CNTNAP2: variants seen among roughly 807,000 people sequenced by gnomAD.
The protein encoded by CNTNAP2 is contactin associated protein 2.
Under a neutral mutation model 155.2 loss-of-function variants are expected in CNTNAP2, and 98 were observed. The observed-to-expected ratio is 0.63, with a 90% CI of 0.54 to 0.75. CNTNAP2 has a LOEUF of 0.75. CNTNAP2 is among the 30% of genes least tolerant of loss of function. The probability of loss-of-function intolerance (pLI) is 0.00; values close to 1 mark genes in which losing one functional copy is unlikely to be tolerated. For synonymous variants in CNTNAP2, 651 were observed against 631.2 expected (o/e 1.03, Z -0.47); for missense variants, 1,727 against 1,688.1 (o/e 1.02, Z -0.40).
chr7:147,960,619 C>T (rs1163861569), intron 14 of CNTNAP2, among the ~76,000 whole-genome samples: 2 of 152,070 alleles, frequency 1.3e-5, no homozygotes. Context: ...GCAGTGTTTT[C>T]CAGCATCAAC....
At chr7:147,864,346 T>G (rs1799189092) in intron 13 of CNTNAP2, among the ~76,000 whole-genome samples, 1 of 152,190 alleles carries the variant, frequency 6.6e-6, no homozygotes, top group South Asian at 2.1e-4. Flanking sequence ...TAGTATAGTT[T>G]GAAGTCAGGT....
At chr7:148,116,110 T>C (rs954218149) in intron 15 of CNTNAP2, among the ~76,000 whole-genome samples, 1 of 149,214 alleles carries the variant, frequency 6.7e-6, no homozygotes, top group African/African-American at 2.5e-5. Context: ...CTGCACTCCA[T>C]CCTGGGCCAC....
chr7:147,803,878 G>A lies in CNTNAP2; in HGVS notation c.2099-99687G>A, dbSNP rs1004762148. On this transcript the variant is annotated intron_variant, in intron 13 of 23. Transcript: ENST00000361727. The stretch of plus-strand genomic sequence containing the variant: ...AGAGCTCTCTCCACAATGGGGAAAC[G>A]AATCCAATTTATTCTCCCTATTGCC... Among the ~76,000 whole-genome samples the A allele has an allele frequency of 1.2e-4, 18 of 152,192 alleles. 1 individual carries two copies. The highest frequency in any genetic ancestry group is 2.2e-4 in the Non-Finnish European group (15 of 68,032).
intron 18 of CNTNAP2, among the ~76,000 whole-genome samples, chr7:148,208,645 A>C (rs1377864669): frequency 2.0e-5 from 3 of 152,184 alleles, no homozygotes; most frequent in African/African-American, 7.2e-5. Context: ...GAAGTTCATG[A>C]ACACCTCAGT....
chr7:147,052,910 G>C (rs543314941), intron 4 of CNTNAP2, among the ~76,000 whole-genome samples: 1 of 151,972 alleles, frequency 6.6e-6, no homozygotes, highest in Admixed American at 6.6e-5. Context: ...AAAAAATACT[G>C]TAAGTTGTAA....
rs1053140042 is a variant in CNTNAP2, at chr7:147,658,228, G to C, written c.2098+18922G>C. The stretch of plus-strand genomic sequence containing the variant: ...GCCGAGATCCCGCCACTGCACTCCA[G>C]CCTGGGAGACAGAGCGAGACTCCGT... On this transcript the variant is annotated intron_variant, in intron 13 of 23. Transcript: ENST00000361727. Among the ~76,000 whole-genome samples, 9 of 107,278 alleles carry C rather than the reference G, an allele frequency of 8.4e-5. 1 individual carries two copies. The highest frequency in any genetic ancestry group is 3.0e-4 in the African/African-American group (9 of 30,414). 70.4% of individuals were successfully genotyped at this position (107,278 alleles called of 152,430 possible). A position where few individuals can be genotyped will look rare whatever the true frequency, so the allele number is the denominator to read the frequency against.
At chr7:147,501,023 A>C (rs1798800670) in intron 11 of CNTNAP2, among the ~76,000 whole-genome samples, 1 of 152,096 alleles carries the variant, frequency 6.6e-6, no homozygotes, top group South Asian at 2.1e-4. Flanking sequence ...ATATTCCAAG[A>C]ATTATACACC....
chr7:147,694,156 T>C (rs954322795), intron 13 of CNTNAP2, among the ~76,000 whole-genome samples: 1 of 152,084 alleles, frequency 6.6e-6, no homozygotes, highest in South Asian at 2.1e-4. Context: ...ATGGATTACA[T>C]TAATTGATTT....
At position 148,005,040 on chromosome 7, in the gene CNTNAP2, G is replaced by T. The variant is rs113814150; in HGVS notation, c.2383+27051G>T. Among the ~76,000 whole-genome samples the T allele has an allele frequency of 4.7e-4, 71 of 152,278 alleles. 1 individual carries two copies. Among genetic ancestry groups the T allele is most frequent in the African/African-American group, 1.5e-3 (61 of 41,552 alleles). ...CCCCATATTCACAGTTACAGACTTT[G>T]CAGGTCACTTGCTGTCTTTGTCATA... On this transcript the variant is annotated intron_variant, in intron 15 of 23. Coordinates refer to ENST00000361727, the MANE Select transcript of CNTNAP2 (RefSeq NM_014141.6).
At chr7:146,160,432 T>G (rs545398417) in intron 1 of CNTNAP2, among the ~76,000 whole-genome samples, 1 of 151,754 alleles carries the variant, frequency 6.6e-6, no homozygotes, top group Non-Finnish European at 1.5e-5. Context: ...TCAACAAAAT[T>G]GATAGACTGC....
At chr7:147,835,026 G>A (rs1264005297) in intron 13 of CNTNAP2, among the ~76,000 whole-genome samples, 1 of 152,114 alleles carries the variant, frequency 6.6e-6, no homozygotes, top group African/African-American at 2.4e-5. Context: ...AACTTCACCT[G>A]GGGACTGATC....
chr7:147,740,840 A>G (rs373551721), intron 13 of CNTNAP2, among the ~76,000 whole-genome samples: 35 of 152,354 alleles, frequency 2.3e-4, no homozygotes, highest in African/African-American at 7.9e-4. Context: ...GAAGCAGGAC[A>G]GGGAAGGAGT....
intron 9 of CNTNAP2, among the ~76,000 whole-genome samples, chr7:147,376,922 T>C (rs1796444615): frequency 6.6e-6 from 1 of 151,968 alleles, no homozygotes; most frequent in African/African-American, 2.4e-5. Context: ...ATTTTCTTTT[T>C]CTTAAAAAAG....
chr7:147,593,777 T>A (rs1800780897), intron 12 of CNTNAP2, among the ~76,000 whole-genome samples: 1 of 152,220 alleles, frequency 6.6e-6, no homozygotes, highest in Non-Finnish European at 1.5e-5. Flanking sequence ...CACATTTGCT[T>A]CAGACTGTTT....
At chr7:146,649,235 C>T (rs896632300) in intron 1 of CNTNAP2, among the ~76,000 whole-genome samples, 8 of 152,052 alleles carry the variant, frequency 5.3e-5, no homozygotes, top group African/African-American at 1.9e-4. Flanking sequence ...GCTGATCTGT[C>T]TTCTAGCTGA....
chr7:146,937,247 A>G (rs1471263105), intron 3 of CNTNAP2, among the ~76,000 whole-genome samples: 1 of 151,392 alleles, frequency 6.6e-6, no homozygotes, highest in East Asian at 2.0e-4. Flanking sequence ...AAAACTTAGC[A>G]GGGTGTGGTG....
intron 22 of CNTNAP2, among the ~76,000 whole-genome samples, chr7:148,394,850 A>G (rs1799431397): frequency 6.6e-6 from 1 of 152,152 alleles, no homozygotes; most frequent in African/African-American, 2.4e-5. Context: ...CCTCTGGTAG[A>G]TTTCATAGGT....
intron 15 of CNTNAP2, among the ~76,000 whole-genome samples, chr7:148,025,830 G>A (rs1408857062): frequency 3.3e-5 from 5 of 152,094 alleles, no homozygotes; most frequent in Admixed American, 1.3e-4. Flanking sequence ...CATAATGAGA[G>A]AAAACAGCAG....
intron 18 of CNTNAP2, among the ~76,000 whole-genome samples, chr7:148,188,904 A>T (rs1376345144): frequency 1.3e-5 from 2 of 152,230 alleles, no homozygotes; most frequent in Non-Finnish European, 2.9e-5. Context: ...TAAATATTTC[A>T]CAATAGGGAA....
Sources: gnomAD v4.1 joint callset for allele counts (sites outside exome capture counted in the v4.1 genomes callset) on GRCh38, gnomAD v4.1.1 for gene constraint, MANE v1.5 for transcripts, NCBI Gene and HGNC (gene_info 2026-07-23, HGNC 2026-07-21) for gene names.